Variants in DOCK5 observed in about 807,000 individuals in gnomAD.
DOCK5 encodes dedicator of cytokinesis 5.
DOCK5 carries 142 observed loss-of-function variants against 251.8 expected under a neutral mutation model. That is an observed-to-expected ratio of 0.56 (90% CI 0.49 to 0.65). The LOEUF (loss-of-function observed/expected upper bound fraction) is 0.65, where lower values mean the gene tolerates loss of function less well. DOCK5 is among the 30% of genes least tolerant of loss of function. The pLI is 0.00. For synonymous variants in DOCK5, 842 were observed against 835.5 expected (o/e 1.01, Z -0.13); for missense variants, 2,111 against 2,312.3 (o/e 0.91, Z 1.79).
At chr8:25,187,317 A>ATG (rs562569023) in intron 1 of DOCK5, among the ~76,000 whole-genome samples, 15 of 145,820 alleles carry the variant, frequency 1.0e-4, no homozygotes, top group East Asian at 2.0e-4. Context: ...ATATGCGTAT[A>ATG]TGTGTGTGTG....
At chr8:25,368,451 C>T (rs1800816960) in intron 32 of DOCK5, 120 bp from the exon 33 acceptor site, 5 of 1,212,962 alleles carry the variant, frequency 4.1e-6, no homozygotes, top group South Asian at 1.6e-5. Context: ...ATCTGAGTCA[C>T]TCACTTCTGA....
At chr8:25,214,454 C>T (rs1802181196) in intron 1 of DOCK5, among the ~76,000 whole-genome samples, 1 of 152,144 alleles carries the variant, frequency 6.6e-6, no homozygotes, top group Non-Finnish European at 1.5e-5. Flanking sequence ...GGAAAAGTGG[C>T]ATTTTCACAG....
Position 25,392,793 on chromosome 8 carries a change from C to G in DOCK5, c.4441-3C>G, listed in dbSNP as rs909822332. The G allele has an allele frequency of 6.2e-7, 1 of 1,611,614 alleles. No individual in the cohort carries two copies. Among genetic ancestry groups the G allele is most frequent in the African/African-American group, 1.3e-5 (1 of 74,896 alleles). The stretch of plus-strand genomic sequence containing the variant: ...CATTTCATGTTTTCCTTCTTGCCAC[C>G]AGACGATGTGGATTGAACGGACCAC... On this transcript the variant is annotated splice_region_variant and splice_polypyrimidine_tract_variant and intron_variant, in intron 43 of 51. Coordinates refer to ENST00000276440, the MANE Select transcript of DOCK5 (RefSeq NM_024940.8).
chr8:25,217,878 A>T (rs1055276326), intron 1 of DOCK5, among the ~76,000 whole-genome samples: 2 of 152,260 alleles, frequency 1.3e-5, no homozygotes, highest in Admixed American at 6.5e-5. Context: ...TTGCAATCCC[A>T]GTCTTGCAGG....
chr8:25,295,130 C>T (rs1157000740), intron 6 of DOCK5, among the ~76,000 whole-genome samples: 1 of 152,026 alleles, frequency 6.6e-6, no homozygotes, highest in Non-Finnish European at 1.5e-5. Context: ...ACTGTACATG[C>T]ATTATCTTAT....
At chr8:25,244,092 A>C (rs1032650081) in intron 2 of DOCK5, among the ~76,000 whole-genome samples, 2 of 152,246 alleles carry the variant, frequency 1.3e-5, no homozygotes, top group Non-Finnish European at 2.9e-5. Context: ...AGTAGCTCAA[A>C]GGAAGCACTG....
At chr8:25,383,856 AAAAT>A (rs1166714851) in intron 40 of DOCK5, among the ~76,000 whole-genome samples, 7 of 152,210 alleles carry the variant, frequency 4.6e-5, no homozygotes, top group Non-Finnish European at 8.8e-5. Context: ...CTCCATCTCA[AAAAT>A]AAATAAATAA....
In DOCK5 at chr8:25,391,265, T is replaced by C. The variant is rs563627320; in HGVS notation, c.4356-631T>C. Reference sequence around the variant, plus strand: ...TGTGTGTGTGTAAATGGGATCTTGCTGTGCTGCCCAGGTTGGCTGGTCTTG... The same window carrying C: ...TGTGTGTGTGTAAATGGGATCTTGCCGTGCTGCCCAGGTTGGCTGGTCTTG... On this transcript the variant is annotated intron_variant, in intron 42 of 51. Transcript: ENST00000276440. Among the ~76,000 whole-genome samples the C allele has an allele frequency of 3.3e-5, 5 of 151,132 alleles. No individual in the cohort carries two copies. The South Asian group carries it at 1.0e-3, about 32-fold the overall frequency.
intron 1 of DOCK5, among the ~76,000 whole-genome samples, chr8:25,217,609 C>T (rs1055464435): frequency 6.6e-5 from 10 of 152,126 alleles, no homozygotes; most frequent in African/African-American, 2.2e-4. Context: ...AGGTTGGGTG[C>T]TTCTTGGGTG....
chr8:25,331,830 A>C (rs1391206594), intron 18 of DOCK5, among the ~76,000 whole-genome samples: 1 of 150,580 alleles, frequency 6.6e-6, no homozygotes, highest in Non-Finnish European at 1.5e-5. Context: ...AGAGAGAGAG[A>C]GAGAGAGAGA....
At chr8:25,405,354 A>G (rs1175974759) in intron 48 of DOCK5, among the ~76,000 whole-genome samples, 1 of 152,016 alleles carries the variant, frequency 6.6e-6, no homozygotes, top group Non-Finnish European at 1.5e-5. Flanking sequence ...TAAGATGTTA[A>G]GTATGGAGCC....
intron 11 of DOCK5, among the ~76,000 whole-genome samples, chr8:25,306,286 A>T (rs2956654): frequency 6.6e-6 from 1 of 152,082 alleles, no homozygotes; most frequent in Non-Finnish European, 1.5e-5. Flanking sequence ...AAAGTTAATT[A>T]TGTGATAACT....
chr8:25,213,764 T>C (rs1433313752), intron 1 of DOCK5, among the ~76,000 whole-genome samples: 1 of 152,180 alleles, frequency 6.6e-6, no homozygotes, highest in African/African-American at 2.4e-5. Flanking sequence ...GAAATGACTT[T>C]GGTGGAGCCT....
intron 40 of DOCK5, among the ~76,000 whole-genome samples, chr8:25,383,748 A>C (rs1352489746): frequency 1.3e-5 from 2 of 152,028 alleles, no homozygotes; most frequent in Non-Finnish European, 2.9e-5. Flanking sequence ...TCAGCTACTC[A>C]GGAGGCTGAG....
intron 6 of DOCK5, among the ~76,000 whole-genome samples, chr8:25,295,612 T>C (rs1032694707): frequency 6.6e-6 from 1 of 152,142 alleles, no homozygotes; most frequent in South Asian, 2.1e-4. Context: ...TTTATGACCA[T>C]CTTAAGTTAA....
chr8:25,359,647 A>C (rs1800641299), intron 28 of DOCK5, among the ~76,000 whole-genome samples: 2 of 152,156 alleles, frequency 1.3e-5, no homozygotes, highest in Admixed American at 6.5e-5. Flanking sequence ...ACATTCGAGG[A>C]ATCTAGGTTG....
chr8:25,408,109 C>T lies in DOCK5; in HGVS notation c.5220C>T (p.Ser1740=), dbSNP rs370704516. Residue 1740 remains serine, a synonymous_variant, in exon 49 of 52, where the codon AGC becomes AGT. Coordinates refer to ENST00000276440, the MANE Select transcript of DOCK5 (RefSeq NM_024940.8). ...TTAAGAGAAAAGACTGGAGTCTGAG[C>T]AAGTCCCAGGTCATTGCAGAGAAAG... ...SKFKRKDWSL[S]KSQVIAEKAP... The T allele has an allele frequency of 1.9e-5, 31 of 1,599,248 alleles. No individual in the cohort carries two copies. Among genetic ancestry groups the T allele is most frequent in the Non-Finnish European group, 2.5e-5 (29 of 1,172,866 alleles).
chr8:25,227,435 A>G (rs1160991253), intron 1 of DOCK5, among the ~76,000 whole-genome samples: 6 of 152,112 alleles, frequency 3.9e-5, no homozygotes, highest in African/African-American at 1.2e-4. Flanking sequence ...GTCCTGCTAA[A>G]TTAAAATACA....
At chr8:25,226,345 C>T (rs1375948324) in intron 1 of DOCK5, among the ~76,000 whole-genome samples, 4 of 149,338 alleles carry the variant, frequency 2.7e-5, no homozygotes, top group African/African-American at 9.9e-5. Context: ...TCACTGCAAC[C>T]TCCATCTCCC....
Sources: gnomAD v4.1 joint callset for allele counts (sites outside exome capture counted in the v4.1 genomes callset) on GRCh38, gnomAD v4.1.1 for gene constraint, MANE v1.5 for transcripts, NCBI Gene and HGNC (gene_info 2026-07-23, HGNC 2026-07-21) for gene names.